HSPA4: variants seen among roughly 807,000 people sequenced by gnomAD.
The protein encoded by HSPA4 is heat shock protein family A (Hsp70) member 4, also known as heat shock 70 kDa protein 4.
A neutral mutation model predicts 106.2 loss-of-function variants in HSPA4; 25 were observed. The observed-to-expected ratio is 0.24, with a 90% CI of 0.17 to 0.33. The LOEUF is 0.33. HSPA4 is among the 10% of genes least tolerant of loss of function. The probability of loss-of-function intolerance (pLI) is 1.00; values close to 1 mark genes in which losing one functional copy is unlikely to be tolerated. For missense variants in HSPA4, 841 were observed against 996.0 expected, an observed-to-expected ratio of 0.84 and a Z score of 2.10; for synonymous variants, 332 against 333.6, an observed-to-expected ratio of 1.00 and a Z score of 0.05.
At chr5:133,070,931 C>G (rs1470032776) in intron 4 of HSPA4, among the ~76,000 whole-genome samples, 1 of 151,956 alleles carries the variant, frequency 6.6e-6, no homozygotes, top group East Asian at 1.9e-4. Flanking sequence ...TGAAACTAGT[C>G]TTCATTTTCT....
intron 7 of HSPA4, 116 bp from the exon 8 acceptor site, chr5:133,086,666 C>T: frequency 1.4e-6 from 1 of 698,012 alleles, no homozygotes; most frequent in South Asian, 1.7e-5. Context: ...GATCCACTGT[C>T]TCCACATTTT....
chr5:133,103,905 A>T lies in HSPA4; in HGVS notation c.2198A>T (p.Lys733Met), dbSNP rs1257154027. 1.2e-6 allele frequency: 2 copies of T among 1,613,992 alleles called. No individual in the cohort carries two copies. The highest frequency in any genetic ancestry group is 2.7e-5 in the African/African-American group (2 of 74,926). ...YDHLDAADMTKVEKSTNEAME... is the reference protein window; with the variant it reads ...YDHLDAADMTMVEKSTNEAME... Reference sequence around the variant, plus strand: ...CATTTGGATGCTGCTGACATGACAAAGGTAGAAAAAAGCACAAATGAAGCA... The same window carrying T: ...CATTTGGATGCTGCTGACATGACAATGGTAGAAAAAAGCACAAATGAAGCA... Residue 733 changes from lysine (K) to methionine (M), a missense_variant, in exon 18 of 19, where the codon AAG (lysine) becomes ATG (methionine). Transcript: ENST00000304858.
chr5:133,085,191 A>G (rs1177029562), intron 7 of HSPA4, among the ~76,000 whole-genome samples: 1 of 152,050 alleles, frequency 6.6e-6, no homozygotes, highest in African/African-American at 2.4e-5. Context: ...CATCATCACA[A>G]CTAAATTTTA....
At chr5:133,089,716 TAAAAA>T (rs768565246) in intron 11 of HSPA4, 21 bp downstream of exon 11, 24 of 1,382,096 alleles carry the variant, frequency 1.7e-5, no homozygotes, top group Non-Finnish European at 1.9e-5. Context: ...AGTTGGAAAT[TAAAAA>T]AGAAAAAAAA....
At chr5:133,054,102 C>G (rs1765127952) in intron 1 of HSPA4, among the ~76,000 whole-genome samples, 1 of 152,152 alleles carries the variant, frequency 6.6e-6, no homozygotes, top group East Asian at 1.9e-4. Context: ...ACCTCCTAAC[C>G]CAGGTGCTTC....
intron 1 of HSPA4, among the ~76,000 whole-genome samples, chr5:133,054,720 T>C (rs1235717980): frequency 6.6e-6 from 1 of 152,218 alleles, no homozygotes; most frequent in Admixed American, 6.5e-5. Flanking sequence ...AAGTGTATTG[T>C]GCCCTGAAGT....
chr5:133,064,504 A>G (rs75909928), intron 1 of HSPA4, among the ~76,000 whole-genome samples: 116 of 118,948 alleles, frequency 9.8e-4, no homozygotes, highest in Middle Eastern at 4.1e-3. Context: ...AGACTCTTGG[A>G]AAAAAAAAAA....
chr5:133,105,218 A>C lies in HSPA4; in HGVS notation c.*782A>C, dbSNP rs1765842073. On this transcript the variant is annotated 3_prime_UTR_variant, in exon 19 of 19. Transcript: ENST00000304858. ...CATGGTAAATTTAACTGAGGAATTA[A>C]ATCCTTGTTAATTTTGGTGTAAAGA... 1 of 152,226 alleles carries C rather than the reference A, an allele frequency of 6.6e-6. No homozygotes were observed. The highest frequency in any genetic ancestry group is 2.4e-5 in the African/African-American group (1 of 41,458). The allele number at this position is 152,226 out of a possible 1,614,324, so 9.4% of individuals were successfully genotyped here. A position where few individuals can be genotyped will look rare whatever the true frequency, so the allele number is the denominator to read the frequency against.
intron 7 of HSPA4, among the ~76,000 whole-genome samples, chr5:133,086,180 A>G (rs1420604340): frequency 6.6e-6 from 1 of 152,186 alleles, no homozygotes; most frequent in Non-Finnish European, 1.5e-5. Flanking sequence ...GTGCCACTGC[A>G]CTCCAGTCTG....
chr5:133,100,254 G>T (rs1489041631), intron 16 of HSPA4, among the ~76,000 whole-genome samples: 2 of 147,862 alleles, frequency 1.4e-5, no homozygotes, highest in African/African-American at 5.3e-5. Flanking sequence ...AGTAGAGACA[G>T]GGTTTCTTTT....
chr5:133,102,494 G>C (rs892513188), intron 17 of HSPA4, among the ~76,000 whole-genome samples: 2 of 152,128 alleles, frequency 1.3e-5, no homozygotes, highest in African/African-American at 4.8e-5. Context: ...TATCCACACA[G>C]TACCTTTATA....
intron 1 of HSPA4, among the ~76,000 whole-genome samples, chr5:133,059,447 C>CAA (rs539958401): frequency 0.02 from 2,491 of 125,948 alleles, 41 homozygotes; most frequent in Middle Eastern, 0.038. Flanking sequence ...GACTTTGTCT[C>CAA]AAAAAAAAAA....
chr5:133,068,730 G>A (rs899512793), intron 3 of HSPA4, among the ~76,000 whole-genome samples: 1 of 152,150 alleles, frequency 6.6e-6, no homozygotes, highest in Non-Finnish European at 1.5e-5. Context: ...GTTAAAAAGG[G>A]AGGTGAAGAA....
At chr5:133,101,498 A>G (rs1454480171) in intron 16 of HSPA4, 1 of 347,798 alleles carries the variant, frequency 2.9e-6, no homozygotes, top group Admixed American at 4.8e-5. Context: ...CTCCATTAGG[A>G]GGCACCTAAT....
At chr5:133,077,490 A>G (rs1260491800) in intron 7 of HSPA4, among the ~76,000 whole-genome samples, 1 of 152,168 alleles carries the variant, frequency 6.6e-6, no homozygotes, top group Non-Finnish European at 1.5e-5. Context: ...CACCCACCTC[A>G]GCCTCCCAAA....
In HSPA4 at chr5:133,086,771, GT is replaced by G; in HGVS notation, c.909-5del. 1 of 1,597,626 alleles carries G rather than the reference GT, an allele frequency of 6.3e-7. No homozygotes were observed. Among genetic ancestry groups the G allele is most frequent in the Admixed American group, 1.7e-5 (1 of 59,746 alleles). On this transcript the variant is annotated splice_polypyrimidine_tract_variant and intron_variant, in intron 7 of 18. Coordinates refer to ENST00000304858, the MANE Select transcript of HSPA4 (RefSeq NM_002154.4). ...TGTACTGTGTTTTTTGTTTTGTTTTGTTTTTTATAGAGGCAAATTTCTGGAG... is the reference window on the plus strand; with the variant it reads ...TGTACTGTGTTTTTTGTTTTGTTTTGTTTTTATAGAGGCAAATTTCTGGAG...
intron 16 of HSPA4, among the ~76,000 whole-genome samples, chr5:133,099,953 G>A (rs1438393234): frequency 6.6e-6 from 1 of 152,188 alleles, no homozygotes; most frequent in Non-Finnish European, 1.5e-5. Flanking sequence ...TAAAGGCACA[G>A]GGAATGCAGC....
intron 4 of HSPA4, among the ~76,000 whole-genome samples, 184 bp from the exon 5 acceptor site, chr5:133,073,046 A>G: frequency 6.6e-6 from 1 of 152,186 alleles, no homozygotes; most frequent in East Asian, 1.9e-4. Flanking sequence ...ATGTAAGGTA[A>G]TGGTACGGCT....
At chr5:133,071,477 G>A (rs1256513214) in intron 4 of HSPA4, among the ~76,000 whole-genome samples, 1 of 152,062 alleles carries the variant, frequency 6.6e-6, no homozygotes, top group Non-Finnish European at 1.5e-5. Context: ...CAAAGACATG[G>A]CAGCAGTTGA....
Sources: gnomAD v4.1 joint callset for allele counts (sites outside exome capture counted in the v4.1 genomes callset) on GRCh38, gnomAD v4.1.1 for gene constraint, MANE v1.5 for transcripts, NCBI Gene and HGNC (gene_info 2026-07-23, HGNC 2026-07-21) for gene names.